Variants in ECT2 observed in about 807,000 individuals in gnomAD.
ECT2 encodes epithelial cell transforming 2.
A neutral mutation model predicts 116.9 loss-of-function variants in ECT2; 61 were observed. That is an observed-to-expected ratio of 0.52 (90% CI 0.42 to 0.65). ECT2 has a LOEUF of 0.65. Among genes scored for constraint, ECT2 ranks in the 30% least tolerant of loss-of-function variants. The pLI is 0.00. For missense variants in ECT2, 937 were observed against 1,078.7 expected (o/e 0.87, Z 1.84); for synonymous variants, 358 against 346.4 (o/e 1.03, Z -0.37).
chr3:172,769,214 G>A, intron 13 of ECT2, 71 bp downstream of exon 13: 1 of 1,380,994 alleles, frequency 7.2e-7, no homozygotes, highest in Non-Finnish European at 9.8e-7. Flanking sequence ...AGGTGATATT[G>A]TTTCTTACGA....
intron 24 of ECT2, among the ~76,000 whole-genome samples, chr3:172,817,820 A>G (rs1173984894): frequency 6.6e-6 from 1 of 152,016 alleles, no homozygotes; most frequent in Non-Finnish European, 1.5e-5. Context: ...TCTCAACTGC[A>G]TTTTTGCAGA....
At chr3:172,805,450 C>G (rs73028381) in intron 20 of ECT2, among the ~76,000 whole-genome samples, 3 of 152,114 alleles carry the variant, frequency 2.0e-5, no homozygotes, top group African/African-American at 7.2e-5. Context: ...CGCTTCTCAT[C>G]ATGCTTCTAG....
intron 23 of ECT2, among the ~76,000 whole-genome samples, chr3:172,816,135 A>C (rs539302348): frequency 1.1e-4 from 16 of 152,244 alleles, no homozygotes; most frequent in African/African-American, 3.6e-4. Flanking sequence ...AGAGTTGTTG[A>C]GGATTACATA....
intron 14 of ECT2, among the ~76,000 whole-genome samples, chr3:172,780,335 TTGTC>T (rs1473042097): frequency 6.6e-6 from 1 of 152,194 alleles, no homozygotes; most frequent in African/African-American, 2.4e-5. Context: ...TAACTTTAAA[TTGTC>T]TGTTCACCAG....
intron 12 of ECT2, among the ~76,000 whole-genome samples, chr3:172,766,003 G>T (rs527954923): frequency 6.6e-6 from 1 of 152,136 alleles, no homozygotes; most frequent in African/African-American, 2.4e-5. Context: ...TAGTTCTTAC[G>T]ATAGAAATTA....
chr3:172,768,383 C>T (rs1259225416), intron 12 of ECT2, among the ~76,000 whole-genome samples: 1 of 152,136 alleles, frequency 6.6e-6, no homozygotes, highest in Non-Finnish European at 1.5e-5. Context: ...CAAAATCTCT[C>T]TTTTTCTAAA....
intron 21 of ECT2, 159 bp downstream of exon 21, chr3:172,806,028 A>G (rs942366586): frequency 1.4e-5 from 10 of 697,536 alleles, no homozygotes; most frequent in Admixed American, 3.0e-5. Context: ...TCCCATCTCC[A>G]TCTCTAGGAA....
At chr3:172,755,395 G>T (rs771476961) in intron 3 of ECT2, 21 bp downstream of exon 3, 11 of 1,579,518 alleles carry the variant, frequency 7.0e-6, no homozygotes, top group Non-Finnish European at 8.6e-6. Flanking sequence ...TTAGGTTTTA[G>T]TTTTTTTTGT....
chr3:172,815,858 A>G, intron 23 of ECT2, 147 bp downstream of exon 23: 2 of 619,392 alleles, frequency 3.2e-6, no homozygotes, highest in Non-Finnish European at 5.7e-6. Flanking sequence ...CAGAAACAAT[A>G]GTTTTACTTC....
At chr3:172,807,698 A>G in intron 21 of ECT2, 72 bp from the exon 22 acceptor site, 1 of 1,500,734 alleles carries the variant, frequency 6.7e-7, no homozygotes, top group Non-Finnish European at 9.0e-7. Context: ...GCTCTGAGGG[A>G]ACTAAACTTG....
chr3:172,795,686 A>T (rs1001174899), intron 18 of ECT2, among the ~76,000 whole-genome samples: 1 of 152,218 alleles, frequency 6.6e-6, no homozygotes, highest in Non-Finnish European at 1.5e-5. Flanking sequence ...TTGCTAAAAA[A>T]TTTATGTAAC....
chr3:172,756,079 G>A (rs2108388388), intron 4 of ECT2, among the ~76,000 whole-genome samples: 1 of 152,052 alleles, frequency 6.6e-6, no homozygotes, highest in East Asian at 1.9e-4. Context: ...CCTCTTATTG[G>A]GACACCAGGT....
rs530658219 is a variant in ECT2, at chr3:172,813,991, C to T, written c.2401-1613C>T. On this transcript the variant is annotated intron_variant, in intron 22 of 24. Coordinates refer to ENST00000392692, the MANE Select transcript of ECT2 (RefSeq NM_001258315.2). ...TTGATTAGGAGAGTTATGGGTAATT[C>T]GTGTTTTCTGAATTTTTCTTAACTC... 4.6e-5 allele frequency among the ~76,000 whole-genome samples: 7 copies of T among 152,030 alleles called. No homozygotes were observed. The South Asian group carries it at 1.2e-3, about 27-fold the overall frequency.
At chr3:172,791,182 T>C (rs1724594570) in intron 18 of ECT2, among the ~76,000 whole-genome samples, 1 of 152,226 alleles carries the variant, frequency 6.6e-6, no homozygotes, top group African/African-American at 2.4e-5. Flanking sequence ...ACCATGGTGA[T>C]GTGCTGTCAT....
rs1417064606 is a variant in ECT2, at chr3:172,815,613, A to G, written c.2410A>G (p.Ile804Val). Residue 804 changes from isoleucine (I) to valine (V), a missense_variant, in exon 23 of 25, where the codon ATT (isoleucine) becomes GTT (valine). Physicochemically the swap from Ile to Val is conservative, Grantham distance 29. Coordinates refer to ENST00000392692, the MANE Select transcript of ECT2 (RefSeq NM_001258315.2). Reference sequence around the variant, plus strand: ...TATTATTTTTCAATAGGAGAATCTTATTTATACTGCTGATCCAGAATCCTT... The same window carrying G: ...TATTATTTTTCAATAGGAGAATCTTGTTTATACTGCTGATCCAGAATCCTT... ...TICKADAENLIYTADPESFEV... is the reference protein window; with the variant it reads ...TICKADAENLVYTADPESFEV... 1.3e-6 allele frequency: 2 copies of G among 1,577,134 alleles called. No individual in the cohort carries two copies.
At chr3:172,823,107 A>G (rs12486597), downstream of ECT2, among the ~76,000 whole-genome samples, 73,642 of 151,922 alleles carry the variant, frequency 0.48, 20,108 homozygotes, top group East Asian at 0.69. Context: ...TAACATGTTT[A>G]TGAATAGAAA....
intron 18 of ECT2, among the ~76,000 whole-genome samples, chr3:172,791,121 T>C (rs1197639377): frequency 6.6e-6 from 1 of 152,222 alleles, no homozygotes; most frequent in Non-Finnish European, 1.5e-5. Flanking sequence ...ACCACTGTAC[T>C]CCAGCCTGGA....
At chr3:172,760,380 G>A (rs1718003934) in intron 7 of ECT2, 117 bp downstream of exon 7, 2 of 530,736 alleles carry the variant, frequency 3.8e-6, no homozygotes, top group Non-Finnish European at 6.4e-6. Context: ...CTCAATTTTT[G>A]CTATGAATAT....
chr3:172,814,110 G>A (rs1729268980), intron 22 of ECT2, among the ~76,000 whole-genome samples: 1 of 152,004 alleles, frequency 6.6e-6, no homozygotes, highest in South Asian at 2.1e-4. Context: ...TTAGCAAATT[G>A]ATCAAGTGGA....
Sources: allele counts gnomAD v4.1 joint callset (sites outside exome capture counted in the v4.1 genomes callset), GRCh38; gene constraint gnomAD v4.1.1; transcripts MANE v1.5; gene names NCBI Gene and HGNC (gene_info 2026-07-23, HGNC 2026-07-21).